The following CUBN variants were observed in gnomAD, a reference collection of about 807,000 sequenced individuals.
CUBN encodes the protein cubilin.
CUBN carries 282 observed loss-of-function variants against 405.3 expected under a neutral mutation model. That is an observed-to-expected ratio of 0.70 (90% CI 0.63 to 0.77). CUBN has a LOEUF of 0.77. Among genes scored for constraint, CUBN ranks in the 30% least tolerant of loss-of-function variants. The pLI is 0.00. For synonymous variants in CUBN, 1,684 were observed against 1,617.0 expected (o/e 1.04, Z -0.99); for missense variants, 4,514 against 4,475.2 (o/e 1.01, Z -0.25).
intron 31 of CUBN, among the ~76,000 whole-genome samples, chr10:16,979,476 A>G (rs1040351811): frequency 6.6e-6 from 1 of 152,162 alleles, no homozygotes; most frequent in Non-Finnish European, 1.5e-5. Flanking sequence ...ACAGCATGGT[A>G]CTGGTACCAA....
intron 28 of CUBN, among the ~76,000 whole-genome samples, chr10:17,007,088 C>A (rs760339676): frequency 6.6e-6 from 1 of 152,172 alleles, no homozygotes; most frequent in East Asian, 1.9e-4. Flanking sequence ...CTGGGAGCAA[C>A]GACCAGAAGA....
intron 59 of CUBN, among the ~76,000 whole-genome samples, chr10:16,860,693 A>G (rs1180601497): frequency 6.6e-6 from 1 of 152,240 alleles, no homozygotes; most frequent in African/African-American, 2.4e-5. Flanking sequence ...CAGAAACCTT[A>G]GGAGCATTAT....
intron 59 of CUBN, among the ~76,000 whole-genome samples, chr10:16,855,302 A>C (rs961627489): frequency 2.0e-5 from 3 of 151,788 alleles, no homozygotes; most frequent in Admixed American, 2.0e-4. Flanking sequence ...TAAAATGGAG[A>C]GTATATTTTT....
In CUBN at chr10:17,104,505, C is replaced by A. The variant is rs762478735; in HGVS notation, c.1331G>T (p.Gly444Val). The part of the protein sequence containing the change: ...NECLSNPCLN[G>V]GTCVDGVDSF... ...ATCAACGCCATCAACACAAGTTCCTCCATTCAAACAGGGGTTGCTCAAACA... is the reference window on the plus strand; with the variant it reads ...ATCAACGCCATCAACACAAGTTCCTACATTCAAACAGGGGTTGCTCAAACA... The change falls in exon 12 of 67, where the codon GGA becomes GTA. Residue 444 changes from glycine to valine, a missense_variant. Around this residue, in one of 5 missense-constraint regions of CUBN, gnomAD observed 1,448 missense variants for 1,388.0 expected, o/e 1.04. Coordinates refer to ENST00000377833, the MANE Select transcript of CUBN (RefSeq NM_001081.4). 1 of 1,613,960 alleles carries A rather than the reference C, an allele frequency of 6.2e-7. No individual in the cohort carries two copies. The highest frequency in any genetic ancestry group is 8.5e-7 in the Non-Finnish European group (1 of 1,179,990).
rs1173300477 is a variant in CUBN, at chr10:17,114,039, C to T, written c.871G>A (p.Ala291Thr). The T allele has an allele frequency of 4.3e-6, 7 of 1,612,638 alleles. No individual in the cohort carries two copies. The highest frequency in any genetic ancestry group is 5.9e-6 in the Non-Finnish European group (7 of 1,179,440). ...CCTGAGAATGTACCTGTTGGACAGG[C>T]CCCACAGTAGAAAGAGCCTTGAGTG... ...FNTQGSFYCG[A>T]CPTGWQGNGY... Residue 291 changes from alanine (A) to threonine (T), a missense_variant, in exon 8 of 67, where the codon GCC (alanine) becomes ACC (threonine). Coordinates refer to ENST00000377833, the MANE Select transcript of CUBN (RefSeq NM_001081.4).
chr10:16,898,585 A>G (rs1841263023), intron 54 of CUBN, among the ~76,000 whole-genome samples: 3 of 152,192 alleles, frequency 2.0e-5, no homozygotes, highest in African/African-American at 7.2e-5. Flanking sequence ...CACGAGCAGC[A>G]TTTATAACTT....
rs753108832 is a variant in CUBN at position 17,123,570 on chromosome 10, A to C, written c.489+18T>G. On this transcript the variant is annotated intron_variant, in intron 5 of 66. Transcript: ENST00000377833. ...TGCTGACCTGCCATCATTCTTAACC[A>C]AAGAGTAGATGACTCACCTTCCACT... is the stretch of plus-strand genomic sequence containing the variant. The C allele has an allele frequency of 2.5e-6, 4 of 1,571,238 alleles. No homozygotes were observed. Among genetic ancestry groups the C allele is most frequent in the Non-Finnish European group, 3.5e-6 (4 of 1,141,844 alleles).
At chr10:17,071,286 G>A in intron 19 of CUBN, 140 bp downstream of exon 19, 1 of 856,782 alleles carries the variant, frequency 1.2e-6, no homozygotes, top group South Asian at 1.6e-5. Flanking sequence ...TTTTGCTGAG[G>A]ATTTTTACAT....
intron 65 of CUBN, among the ~76,000 whole-genome samples, chr10:16,830,867 A>G (rs1838967087): frequency 6.6e-6 from 1 of 152,148 alleles, no homozygotes; most frequent in Admixed American, 6.5e-5. Flanking sequence ...AGGTTGGATC[A>G]CCTGAGTTCA....
intron 22 of CUBN, among the ~76,000 whole-genome samples, chr10:17,058,039 T>C (rs2131834352): frequency 6.6e-6 from 1 of 152,112 alleles, no homozygotes; most frequent in Middle Eastern, 3.4e-3. Flanking sequence ...AGAGAATCGC[T>C]TGAACCTGGG....
At chr10:17,124,268 A>C (rs1837116146) in intron 4 of CUBN, among the ~76,000 whole-genome samples, 1 of 152,200 alleles carries the variant, frequency 6.6e-6, no homozygotes, top group African/African-American at 2.4e-5. Context: ...CTTTCAGCCC[A>C]GATCACAAAC....
At chr10:16,865,874 A>T (rs1408232500) in intron 59 of CUBN, among the ~76,000 whole-genome samples, 5 of 152,108 alleles carry the variant, frequency 3.3e-5, no homozygotes, top group Non-Finnish European at 7.3e-5. Context: ...GGTCCATGCC[A>T]ATTTTAAGAG....
chr10:17,065,684 A>T (rs1230433911), intron 21 of CUBN, 46 bp from the exon 22 acceptor site: 1 of 1,610,144 alleles, frequency 6.2e-7, no homozygotes, highest in East Asian at 2.2e-5. Context: ...TTAGTTTGGT[A>T]TACTGAAAAT....
At chr10:16,940,987 G>A (rs575433983) in intron 36 of CUBN, among the ~76,000 whole-genome samples, 2 of 152,272 alleles carry the variant, frequency 1.3e-5, no homozygotes, top group Admixed American at 6.5e-5. Context: ...CTGCAACTAC[G>A]ATGTGTTGGG....
At chr10:16,846,925 C>A (rs1009074229) in intron 60 of CUBN, among the ~76,000 whole-genome samples, 3 of 151,978 alleles carry the variant, frequency 2.0e-5, no homozygotes, top group Non-Finnish European at 2.9e-5. Flanking sequence ...TACTTCCTGG[C>A]AGAAAAAGTC....
intron 27 of CUBN, among the ~76,000 whole-genome samples, chr10:17,038,373 A>C (rs1222218843): frequency 1.3e-5 from 2 of 152,038 alleles, no homozygotes. Context: ...AAATGGTCTC[A>C]CTCCTTTAAG....
At chr10:16,958,232 A>C (rs1170135479) in intron 31 of CUBN, among the ~76,000 whole-genome samples, 1 of 152,210 alleles carries the variant, frequency 6.6e-6, no homozygotes, top group Non-Finnish European at 1.5e-5. Context: ...CCAGCCCCTG[A>C]GGTCCTGGAA....
intron 59 of CUBN, among the ~76,000 whole-genome samples, 156 bp downstream of exon 59, chr10:16,869,480 C>T (rs757602863): frequency 3.3e-4 from 44 of 134,402 alleles, no homozygotes; most frequent in Non-Finnish European, 5.3e-4. Flanking sequence ...ATATGTCATA[C>T]GTAAGTTTTA....
chr10:16,898,960 C>T, intron 54 of CUBN, 36 bp downstream of exon 54: 1 of 1,504,252 alleles, frequency 6.6e-7, no homozygotes, highest in Non-Finnish European at 9.3e-7. Flanking sequence ...TTCACAAAAC[C>T]AACTTGGCTC....
Sources: gnomAD v4.1 joint callset for allele counts (sites outside exome capture counted in the v4.1 genomes callset) on GRCh38, gnomAD v4.1.1 for gene constraint, gnomAD v4.1.1 regional missense constraint, MANE v1.5 for transcripts, NCBI Gene and HGNC (gene_info 2026-07-23, HGNC 2026-07-21) for gene names.